Variants in CIAO1 observed in about 807,000 individuals in gnomAD.
CIAO1 encodes the protein probable cytosolic iron-sulfur protein assembly protein CIAO1.
In CIAO1, 32 loss-of-function variants were observed where a neutral mutation model predicts 43.1. That is an observed-to-expected ratio of 0.74 (90% confidence interval 0.56 to 1.00). CIAO1 has a LOEUF of 1.00. CIAO1 is among the 50% of genes least tolerant of loss of function. The pLI is 0.00. For missense variants in CIAO1, 415 were observed against 437.4 expected (o/e 0.95, Z 0.46); for synonymous variants, 183 against 171.4 (o/e 1.07, Z -0.53).
In CIAO1 at chr2:96,273,662, CAAAAAAAA is replaced by C. The variant is rs57198918; in HGVS notation, c.*2328_*2335del. 5.5e-4 allele frequency among the ~76,000 whole-genome samples: 31 copies of C among 55,992 alleles called. No individual in the cohort carries two copies. The highest frequency in any genetic ancestry group is 3.7e-3 in the South Asian group (5 of 1,344). 36.7% of individuals were successfully genotyped at this position (55,992 alleles called of 152,430 possible). A position where few individuals can be genotyped will look rare whatever the true frequency, so the allele number is the denominator to read the frequency against. On this transcript the variant is annotated 3_prime_UTR_variant, in exon 7 of 7. Transcript: ENST00000488633. ...TGGGTGACAGAGCGAGACTCCATTT[CAAAAAAAA>C]AAAAAAAAAAAAAAAATCACTTGTA...
At position 96,271,231 on chromosome 2, in the gene CIAO1, G is replaced by A. The variant is rs757343668; in HGVS notation, c.900G>A (p.Gln300=). The A allele has an allele frequency of 6.2e-7, 1 of 1,614,236 alleles. No individual in the cohort carries two copies. The highest frequency in any genetic ancestry group is 8.5e-7 in the Non-Finnish European group (1 of 1,180,048). ...PTFSLTAHLH[Q]AHSQDVNCVA... ...TCTCCCTGACAGCCCACTTGCATCA[G>A]GCCCATTCCCAGGATGTCAACTGTG... Residue 300 remains glutamine, a synonymous_variant, in exon 7 of 7, where the codon CAG becomes CAA. Transcript: ENST00000488633.
rs982550865 is a variant in CIAO1, at chr2:96,272,448, A to T, written c.*1097A>T. 8 of 152,248 alleles carry T rather than the reference A, an allele frequency of 5.3e-5. No individual in the cohort carries two copies. Among genetic ancestry groups the T allele is most frequent in the African/African-American group, 1.9e-4 (8 of 41,456 alleles). The allele number at this position is 152,248 out of a possible 1,614,324, so 9.4% of individuals were successfully genotyped here. A position where few individuals can be genotyped will look rare whatever the true frequency, so the allele number is the denominator to read the frequency against. ...ACTGTTGGCACTGTGGCATGAATCAAGGTGGTGGCAGCAAACTTCTAGTAG... is the reference window on the plus strand; with the variant it reads ...ACTGTTGGCACTGTGGCATGAATCATGGTGGTGGCAGCAAACTTCTAGTAG... On this transcript the variant is annotated 3_prime_UTR_variant, in exon 7 of 7. Coordinates refer to ENST00000488633, the MANE Select transcript of CIAO1 (RefSeq NM_004804.3).
chr2:96,266,257 G>T lies in CIAO1; in HGVS notation c.-94G>T. ...GCGGGAGCCTCTGTCGGCCGCGGAAGCCTGGAGTGGGCGGTACGCAGACGC... is the reference window on the plus strand; with the variant it reads ...GCGGGAGCCTCTGTCGGCCGCGGAATCCTGGAGTGGGCGGTACGCAGACGC... On this transcript the variant is annotated 5_prime_UTR_variant, in exon 1 of 7. Transcript: ENST00000488633. 8.0e-7 allele frequency: 1 copy of T among 1,253,402 alleles called. No individual in the cohort carries two copies. Among genetic ancestry groups the T allele is most frequent in the Non-Finnish European group, 1.0e-6 (1 of 988,762 alleles). The allele number at this position is 1,253,402 out of a possible 1,614,324, so 77.6% of individuals were successfully genotyped here.
At position 96,272,246 on chromosome 2, in the gene CIAO1, C is replaced by A. The variant is rs1047198741; in HGVS notation, c.*895C>A. On this transcript the variant is annotated 3_prime_UTR_variant, in exon 7 of 7. Coordinates refer to ENST00000488633, the MANE Select transcript of CIAO1 (RefSeq NM_004804.3). ...TCAAGTTGTCTCTTGACAGTCACTT[C>A]TAAATGGGTTCTAATGTGACAATGG... is the stretch of plus-strand genomic sequence containing the variant. 1 of 152,216 alleles carries A rather than the reference C, an allele frequency of 6.6e-6. No individual in the cohort carries two copies. Among genetic ancestry groups the A allele is most frequent in the Non-Finnish European group, 1.5e-5 (1 of 68,046 alleles). 9.4% of individuals were successfully genotyped at this position (152,216 alleles called of 1,614,324 possible).
At chr2:96,269,835 C>T (rs895976071) in intron 6 of CIAO1, among the ~76,000 whole-genome samples, 9 of 151,918 alleles carry the variant, frequency 5.9e-5, no homozygotes, top group African/African-American at 1.9e-4. Flanking sequence ...TTAGTAGAGA[C>T]GGGGTTTCAC....
In CIAO1 at chr2:96,271,908, C is replaced by T. The variant is rs1326452870; in HGVS notation, c.*557C>T. The stretch of plus-strand genomic sequence containing the variant: ...CTTTCCCTTAGCAACCCTCATATAC[C>T]TCCCTGCACCGTTACGCTGTGATGG... On this transcript the variant is annotated 3_prime_UTR_variant, in exon 7 of 7. Coordinates refer to ENST00000488633, the MANE Select transcript of CIAO1 (RefSeq NM_004804.3). 1 of 153,010 alleles carries T rather than the reference C, an allele frequency of 6.5e-6. No individual in the cohort carries two copies. The highest frequency in any genetic ancestry group is 2.4e-5 in the African/African-American group (1 of 41,372). The allele number at this position is 153,010 out of a possible 1,614,324, so 9.5% of individuals were successfully genotyped here.
chr2:96,268,411 T>C (rs1299980846), intron 4 of CIAO1, 46 bp from the exon 5 acceptor site: 3 of 1,548,526 alleles, frequency 1.9e-6, no homozygotes, highest in Non-Finnish European at 2.7e-6. Context: ...CTTTGCTTCC[T>C]GGGCCACACA....
chr2:96,268,537 T>C lies in CIAO1; in HGVS notation c.570T>C (p.Leu190=), dbSNP rs946021559. 1 of 1,614,200 alleles carries C rather than the reference T, an allele frequency of 6.2e-7. No individual in the cohort carries two copies. The highest frequency in any genetic ancestry group is 8.5e-7 in the Non-Finnish European group (1 of 1,180,024). Residue 190 remains leucine, a synonymous_variant, in exon 5 of 7, where the codon CTT becomes CTC. Coordinates refer to ENST00000488633, the MANE Select transcript of CIAO1 (RefSeq NM_004804.3). The part of the protein sequence containing the change: ...EEDDWVCCAT[L]EGHESTVWSL... Reference sequence around the variant, plus strand: ...ATGACTGGGTATGCTGTGCCACCCTTGAGGGCCATGAATCCACTGTGTGGA... The same window carrying C: ...ATGACTGGGTATGCTGTGCCACCCTCGAGGGCCATGAATCCACTGTGTGGA...
At position 96,266,429 on chromosome 2, in the gene CIAO1, G is replaced by T; in HGVS notation, c.79G>T (p.Ala27Ser). ...CTGCTGGTTCCTGGCCTGGAACCCCGCGGGGACCCTGCTGGCCTCGTGCGG... is the reference window on the plus strand; with the variant it reads ...CTGCTGGTTCCTGGCCTGGAACCCCTCGGGGACCCTGCTGGCCTCGTGCGG... ...SRCWFLAWNP[A>S]GTLLASCGGD... is the part of the protein sequence containing the mutation. The change falls in exon 1 of 7, where the codon GCG (alanine) becomes TCG (serine). Residue 27 changes from alanine (A) to serine (S), a missense_variant. Coordinates refer to ENST00000488633, the MANE Select transcript of CIAO1 (RefSeq NM_004804.3). 1 of 1,562,526 alleles carries T rather than the reference G, an allele frequency of 6.4e-7. No homozygotes were observed. The highest frequency in any genetic ancestry group is 8.7e-7 in the Non-Finnish European group (1 of 1,150,792).
rs533457423 is a variant in CIAO1 at position 96,272,470 on chromosome 2, G to A, written c.*1119G>A. The A allele has an allele frequency of 1.3e-5, 2 of 152,330 alleles. No individual in the cohort carries two copies. The highest frequency in any genetic ancestry group is 3.9e-4 in the East Asian group (2 of 5,186). 9.4% of individuals were successfully genotyped at this position (152,330 alleles called of 1,614,324 possible). On this transcript the variant is annotated 3_prime_UTR_variant, in exon 7 of 7. Coordinates refer to ENST00000488633, the MANE Select transcript of CIAO1 (RefSeq NM_004804.3). Reference sequence around the variant, plus strand: ...TCAAGGTGGTGGCAGCAAACTTCTAGTAGTTTTGATATGTCCTTGATAGAA... The same window carrying A: ...TCAAGGTGGTGGCAGCAAACTTCTAATAGTTTTGATATGTCCTTGATAGAA...
At chr2:96,268,765 C>A in intron 5 of CIAO1, 107 bp downstream of exon 5, 1 of 1,128,916 alleles carries the variant, frequency 8.9e-7, no homozygotes, top group Non-Finnish European at 1.3e-6. Flanking sequence ...GTAAGATGTG[C>A]TACAAGAGGG....
rs369074719 is a variant in CIAO1, at chr2:96,271,392, C to T, written c.*41C>T. 21 of 1,600,242 alleles carry T rather than the reference C, an allele frequency of 1.3e-5. No individual in the cohort carries two copies. The highest frequency in any genetic ancestry group is 9.4e-5 in the African/African-American group (7 of 74,550). On this transcript the variant is annotated 3_prime_UTR_variant, in exon 7 of 7. Transcript: ENST00000488633. ...GACAGAGTAATGACTCCCCAGAAAA[C>T]GTCATATAAGACTTTACCAGCCCCT...
At position 96,272,405 on chromosome 2, in the gene CIAO1, G is replaced by A. The variant is rs1684570149; in HGVS notation, c.*1054G>A. 6.6e-6 allele frequency: 1 copy of A among 152,248 alleles called. No individual in the cohort carries two copies. Among genetic ancestry groups the A allele is most frequent in the Non-Finnish European group, 1.5e-5 (1 of 68,050 alleles). 9.4% of individuals were successfully genotyped at this position (152,248 alleles called of 1,614,324 possible). ...CCTGGGAGTCCCAAGACCCTTTCAG[G>A]GAGGATCTGTGAGGTCAACTGTTGG... On this transcript the variant is annotated 3_prime_UTR_variant, in exon 7 of 7. Coordinates refer to ENST00000488633, the MANE Select transcript of CIAO1 (RefSeq NM_004804.3).
rs150236974 is a variant in CIAO1 at position 96,269,148 on chromosome 2, C to T, written c.692-120C>T. ...AGGCAGATAAGCAGGGATGGGGACACGAACGGAGACACAGACTCATAATCA... is the reference window on the plus strand; with the variant it reads ...AGGCAGATAAGCAGGGATGGGGACATGAACGGAGACACAGACTCATAATCA... On this transcript the variant is annotated intron_variant, in intron 5 of 6. Coordinates refer to ENST00000488633, the MANE Select transcript of CIAO1 (RefSeq NM_004804.3). The T allele has an allele frequency of 8.1e-4, 661 of 818,992 alleles. 5 individuals are homozygous for T. In the African/African-American group the frequency reaches 0.01, roughly 13 times the overall value. 50.7% of individuals were successfully genotyped at this position (818,992 alleles called of 1,614,324 possible). A position where few individuals can be genotyped will look rare whatever the true frequency, so the allele number is the denominator to read the frequency against.
At position 96,267,391 on chromosome 2, in the gene CIAO1, C is replaced by T. The variant is rs558353717; in HGVS notation, c.210C>T (p.Ser70=). ...GCACCGTGCGGAAGGTAGCCTGGTCCCCCTGCGGTAATTACCTGGCCTCTG... is the reference window on the plus strand; with the variant it reads ...GCACCGTGCGGAAGGTAGCCTGGTCTCCCTGCGGTAATTACCTGGCCTCTG... ...HQRTVRKVAW[S]PCGNYLASAS... The change falls in exon 2 of 7, where the codon TCC becomes TCT. Residue 70 remains serine (S), a synonymous_variant. Coordinates refer to ENST00000488633, the MANE Select transcript of CIAO1 (RefSeq NM_004804.3). The T allele has an allele frequency of 1.9e-5, 31 of 1,614,170 alleles. No individual in the cohort carries two copies. The African/African-American group carries it at 2.0e-4, about 10-fold the overall frequency.
At chr2:96,268,725 T>TAC in intron 5 of CIAO1, 67 bp downstream of exon 5, 1 of 1,516,364 alleles carries the variant, frequency 6.6e-7, no homozygotes, top group Non-Finnish European at 9.1e-7. Context: ...CTAAGACACG[T>TAC]ACATGAGTCA....
In CIAO1 at chr2:96,271,450, T is replaced by C; in HGVS notation, c.*99T>C. 1 of 1,435,272 alleles carries C rather than the reference T, an allele frequency of 7.0e-7. No homozygotes were observed. The highest frequency in any genetic ancestry group is 1.4e-5 in the African/African-American group (1 of 70,624). 88.9% of individuals were successfully genotyped at this position (1,435,272 alleles called of 1,614,324 possible). A position where few individuals can be genotyped will look rare whatever the true frequency, so the allele number is the denominator to read the frequency against. On this transcript the variant is annotated 3_prime_UTR_variant, in exon 7 of 7. Transcript: ENST00000488633. ...CCAGGAGGAGCATCCTTGACCTTCA[T>C]TTAACTTGGCTCACTTCTCTTCAGA...
chr2:96,270,500 A>G (rs1466313961), intron 6 of CIAO1, among the ~76,000 whole-genome samples: 13 of 147,586 alleles, frequency 8.8e-5, no homozygotes, highest in African/African-American at 3.3e-4. Context: ...GACTCCATCT[A>G]AAGAAAAAAA....
chr2:96,267,257 T>G, intron 1 of CIAO1, 64 bp from the exon 2 acceptor site: 11 of 1,513,942 alleles, frequency 7.3e-6, no homozygotes, highest in Non-Finnish European at 9.8e-6. Flanking sequence ...TGCTAGCCCC[T>G]GATATTGAAT....
Sources: gnomAD v4.1 joint callset for allele counts (sites outside exome capture counted in the v4.1 genomes callset) on GRCh38, gnomAD v4.1.1 for gene constraint, MANE v1.5 for transcripts, NCBI Gene and HGNC (gene_info 2026-07-23, HGNC 2026-07-21) for gene names.